MTCH2: variants seen among roughly 807,000 people sequenced by gnomAD.
The protein encoded by MTCH2 is mitochondrial carrier 2, also known as mitochondrial carrier homolog 2.
A neutral mutation model predicts 50.6 loss-of-function variants in MTCH2; 25 were observed. That is an observed-to-expected ratio of 0.49 (90% confidence interval 0.36 to 0.69). MTCH2 has a LOEUF of 0.69. Ranked by LOEUF, MTCH2 falls within the 30% of genes least tolerant of loss-of-function variation. The pLI is 0.00. For missense variants in MTCH2, 273 were observed against 384.4 expected (o/e 0.71, Z 2.42); for synonymous variants, 106 against 132.0 (o/e 0.80, Z 1.35).
Position 47,630,594 on chromosome 11 carries a change from A to G in MTCH2, c.500T>C (p.Ile167Thr). ...AATGCCCTCTTCCCGATAGATGGTTATTATGGAATCACAAAGTCCACTACG... is the reference window on the plus strand; with the variant it reads ...AATGCCCTCTTCCCGATAGATGGTTGTTATGGAATCACAAAGTCCACTACG... ...SKYCGLCDSI[I>T]TIYREEGILG... The change falls in exon 8 of 13, where the codon ATA becomes ACA. Residue 167 changes from isoleucine (I) to threonine (T), a missense_variant. Physicochemically the swap from Ile to Thr is moderately conservative, Grantham distance 89. This residue lies in a region of MTCH2 where 203 missense variants were observed against 244.3 expected (regional missense o/e 0.83). Transcript: ENST00000302503. The G allele has an allele frequency of 6.2e-7, 1 of 1,612,828 alleles. No homozygotes were observed. Among genetic ancestry groups the G allele is most frequent in the South Asian group, 1.1e-5 (1 of 91,036 alleles).
In MTCH2 at chr11:47,631,620, T is replaced by C. The variant is rs768223805; in HGVS notation, c.427+34A>G. The C allele has an allele frequency of 8.1e-6, 13 of 1,610,982 alleles. No individual in the cohort carries two copies. The East Asian group carries it at 2.5e-4, about 30-fold the overall frequency. On this transcript the variant is annotated intron_variant, in intron 6 of 12. Transcript: ENST00000302503. ...TAAGTGGTCAGGAGAGATCAGGTTA[T>C]AAAAGAAAGGTCAGTTGTCAACTGC...
chr11:47,634,840 T>G, intron 4 of MTCH2, 106 bp from the exon 5 acceptor site: 1 of 674,804 alleles, frequency 1.5e-6, no homozygotes, highest in East Asian at 3.5e-5. Flanking sequence ...TGGCACAATC[T>G]CGGCTCACTG....
At chr11:47,614,650 T>TGGCTCACTGCAACCTC (rs2097287340), downstream of MTCH2, among the ~76,000 whole-genome samples, 2 of 152,080 alleles carry the variant, frequency 1.3e-5, no homozygotes, top group South Asian at 2.1e-4. Flanking sequence ...GGCGCAACCT[T>TGGCTCACTGCAACCTC]GGCTCACTGC....
At chr11:47,604,712 G>C in the MTCH2 span, among the ~76,000 whole-genome samples, 1 of 152,100 alleles carries the variant, frequency 6.6e-6, no homozygotes, top group African/African-American at 2.4e-5. Flanking sequence ...CCCTACAAAA[G>C]AATGAGGAAT....
intron 5 of MTCH2, among the ~76,000 whole-genome samples, chr11:47,633,526 ATTTT>A (rs869251946): frequency 2.3e-3 from 81 of 35,024 alleles, no homozygotes; most frequent in Admixed American, 5.4e-3. Flanking sequence ...ATATATATAT[ATTTT>A]TTTTTTTTTT....
intron 1 of MTCH2, among the ~76,000 whole-genome samples, chr11:47,641,288 T>C (rs548871913): frequency 6.6e-6 from 1 of 152,366 alleles, no homozygotes; most frequent in South Asian, 2.1e-4. Flanking sequence ...TACATTCTAA[T>C]CAGTCTTTGT....
At chr11:47,610,881 G>A in the MTCH2 span, among the ~76,000 whole-genome samples, 3 of 152,208 alleles carry the variant, frequency 2.0e-5, no homozygotes, top group East Asian at 3.9e-4. Flanking sequence ...AATCGGAGCC[G>A]CTTCTTCATG....
chr11:47,632,357 ATT>A (rs34382888), intron 5 of MTCH2, among the ~76,000 whole-genome samples: 18 of 138,538 alleles, frequency 1.3e-4, no homozygotes, highest in Admixed American at 1.5e-4. Context: ...TGGCTTTTGC[ATT>A]TTTTTTTTTT....
intron 4 of MTCH2, 110 bp downstream of exon 4, chr11:47,635,435 C>CT: frequency 8.1e-7 from 1 of 1,240,960 alleles, no homozygotes; most frequent in Non-Finnish European, 1.2e-6. Context: ...ACAACACTCA[C>CT]TGAGATGAAT....
chr11:47,640,746 G>T (rs1237590643), intron 1 of MTCH2, among the ~76,000 whole-genome samples: 1 of 152,088 alleles, frequency 6.6e-6, no homozygotes, highest in Admixed American at 6.6e-5. Flanking sequence ...CTGAGCATTT[G>T]GGAATTTCAC....
intron 1 of MTCH2, 103 bp from the exon 2 acceptor site, chr11:47,639,154 C>T: frequency 9.7e-7 from 1 of 1,034,540 alleles, no homozygotes; most frequent in South Asian, 1.6e-5. Context: ...TTTTTAAACA[C>T]AAGTAAAAAT....
rs116445495 is a variant in MTCH2, at chr11:47,634,556, G to T, written c.369+116C>A. ...TAGTAAAGCCCAAATTAATTTGAAGGTTTAATTTCATTTGGGAACAGACAC... is the reference window on the plus strand; with the variant it reads ...TAGTAAAGCCCAAATTAATTTGAAGTTTTAATTTCATTTGGGAACAGACAC... On this transcript the variant is annotated intron_variant, in intron 5 of 12. Coordinates refer to ENST00000302503, the MANE Select transcript of MTCH2 (RefSeq NM_014342.4). 13 of 745,996 alleles carry T rather than the reference G, an allele frequency of 1.7e-5. No homozygotes were observed. In the African/African-American group the frequency reaches 2.0e-4, roughly 11 times the overall value. 46.2% of individuals were successfully genotyped at this position (745,996 alleles called of 1,614,324 possible). A position where few individuals can be genotyped will look rare whatever the true frequency, so the allele number is the denominator to read the frequency against.
the MTCH2 span, among the ~76,000 whole-genome samples, chr11:47,607,446 G>A: frequency 6.6e-6 from 1 of 152,202 alleles, no homozygotes; most frequent in Admixed American, 6.5e-5. Flanking sequence ...AGAAGAGTGT[G>A]GGGGCGGAGG....
chr11:47,622,999 C>A (rs560396546), intron 11 of MTCH2, among the ~76,000 whole-genome samples: 2 of 152,294 alleles, frequency 1.3e-5, no homozygotes, highest in Non-Finnish European at 2.9e-5. Flanking sequence ...TAAACTTCAA[C>A]CTTAATTTCT....
chr11:47,627,172 A>G (rs746037625), intron 9 of MTCH2, 45 bp from the exon 10 acceptor site: 1 of 1,315,014 alleles, frequency 7.6e-7, no homozygotes, highest in Non-Finnish European at 1.1e-6. Context: ...ACAACACTAC[A>G]ACACATCAAT....
chr11:47,636,839 C>T (rs1300639258), intron 3 of MTCH2, among the ~76,000 whole-genome samples: 1 of 152,012 alleles, frequency 6.6e-6, no homozygotes, highest in African/African-American at 2.4e-5. Flanking sequence ...ACTGCTTGAG[C>T]CCAGGAATTC....
At chr11:47,642,239 G>A in intron 1 of MTCH2, 140 bp downstream of exon 1, 3 of 700,286 alleles carry the variant, frequency 4.3e-6, no homozygotes, top group South Asian at 2.2e-5. Flanking sequence ...CTGTCCCTGC[G>A]GGGAGGTAAA....
chr11:47,630,367 T>C (rs571147407), intron 8 of MTCH2, among the ~76,000 whole-genome samples, 188 bp downstream of exon 8: 91 of 152,118 alleles, frequency 6.0e-4, no homozygotes, highest in African/African-American at 2.1e-3. Flanking sequence ...ATTCTAGTCA[T>C]ATGGGGCCTA....
the MTCH2 span, among the ~76,000 whole-genome samples, chr11:47,609,054 G>A: frequency 6.8e-6 from 1 of 148,112 alleles, no homozygotes; most frequent in African/African-American, 2.5e-5. Flanking sequence ...AACTTGGGGG[G>A]CGGAAGTTGC....
Sources: gnomAD v4.1 joint callset for allele counts (sites outside exome capture counted in the v4.1 genomes callset) on GRCh38, gnomAD v4.1.1 for gene constraint, gnomAD v4.1.1 regional missense constraint, MANE v1.5 for transcripts, NCBI Gene and HGNC (gene_info 2026-07-23, HGNC 2026-07-21) for gene names.